The following ZNF496 variants were observed in gnomAD, a reference collection of about 807,000 sequenced individuals.
ZNF496 encodes NSD1 (nuclear receptor binding SET-domain containing 1)-interacting zinc finger protein 1.
Under a neutral mutation model 58.9 loss-of-function variants are expected in ZNF496, and 11 were observed. The ratio of observed to expected loss-of-function variants is 0.19; its 90% CI spans 0.12 to 0.31. ZNF496 has a LOEUF of 0.31. Ranked by LOEUF, ZNF496 falls within the 10% of genes least tolerant of loss-of-function variation. ZNF496 has a pLI of 1.00. For synonymous variants in ZNF496, 338 were observed against 318.2 expected (o/e 1.06, Z -0.66); for missense variants, 660 against 783.0 (o/e 0.84, Z 1.88).
Position 247,300,510 on chromosome 1 carries a change from C to T in ZNF496, c.*9G>A, listed in dbSNP as rs374519369. 7.3e-5 allele frequency: 116 copies of T among 1,593,144 alleles called. 1 individual carries two copies. The South Asian group carries it at 1.2e-3, about 17-fold the overall frequency. ...CCAGCCAGGGTGAGGCCGCCCCAGG[C>T]GGAGAGGCTCAGTAGGAGTTCAGAG... is the stretch of plus-strand genomic sequence containing the variant. On this transcript the variant is annotated 3_prime_UTR_variant, in exon 10 of 10. Transcript: ENST00000682384. This position sits in a 1 kb window ranked among gnomAD's most constrained non-coding sequence, Gnocchi z 5.7.
At chr1:247,320,617 T>G (rs1659933079) in intron 6 of ZNF496, among the ~76,000 whole-genome samples, 1 of 152,204 alleles carries the variant, frequency 6.6e-6, no homozygotes. Flanking sequence ...AATATAGATT[T>G]TTACTCTATA....
rs117684244 is a variant in ZNF496, at chr1:247,302,383, G to A, written c.1007-1107C>T. 2.9e-4 allele frequency among the ~76,000 whole-genome samples: 44 copies of A among 152,224 alleles called. No homozygotes were observed. In the East Asian group the frequency reaches 6.6e-3, roughly 23 times the overall value. ...TTTGTCCCTCAGTCACAAGGGGGTCGGGGGAACATGAGTCTGGGAGTGGGT... is the reference window on the plus strand; with the variant it reads ...TTTGTCCCTCAGTCACAAGGGGGTCAGGGGAACATGAGTCTGGGAGTGGGT... On this transcript the variant is annotated intron_variant, in intron 9 of 9. Coordinates refer to ENST00000682384, the MANE Select transcript of ZNF496 (RefSeq NM_032752.3).
chr1:247,303,054 G>GC (rs1659298433), intron 9 of ZNF496, among the ~76,000 whole-genome samples: 1 of 152,174 alleles, frequency 6.6e-6, no homozygotes, highest in Non-Finnish European at 1.5e-5. Context: ...ACATGATGAA[G>GC]CCCTAACCCA....
intron 5 of ZNF496, 96 bp from the exon 6 acceptor site, chr1:247,323,326 G>T: frequency 1.2e-6 from 1 of 855,392 alleles, no homozygotes. Flanking sequence ...TTTCCATTTT[G>T]GTAGCAAAGA....
At position 247,308,443 on chromosome 1, in the gene ZNF496, G is replaced by A; in HGVS notation, c.1006+32C>T. On this transcript the variant is annotated intron_variant, in intron 9 of 9. Coordinates refer to ENST00000682384, the MANE Select transcript of ZNF496 (RefSeq NM_032752.3). This position sits in a 1 kb window ranked among gnomAD's most constrained non-coding sequence, Gnocchi z 4.5. ...ATGCGACACACCACAGACACACAGG[G>A]ACAAACCCATACCTCCCTGACCCTT... 6.3e-7 allele frequency: 1 copy of A among 1,594,838 alleles called. No individual in the cohort carries two copies. Among genetic ancestry groups the A allele is most frequent in the Non-Finnish European group, 8.6e-7 (1 of 1,162,682 alleles).
At chr1:247,317,304 T>A (rs1358069896) in intron 6 of ZNF496, among the ~76,000 whole-genome samples, 1 of 152,056 alleles carries the variant, frequency 6.6e-6, no homozygotes, top group Admixed American at 6.6e-5. Context: ...GAAATACCCA[T>A]GGGCACAGAC....
rs990366880 is a variant in ZNF496 at position 247,298,959 on chromosome 1, C to T, written c.*1560G>A. The T allele has an allele frequency of 6.6e-6, 1 of 152,208 alleles. No individual in the cohort carries two copies. The highest frequency in any genetic ancestry group is 2.4e-5 in the African/African-American group (1 of 41,424). 9.4% of individuals were successfully genotyped at this position (152,208 alleles called of 1,614,324 possible). A position where few individuals can be genotyped will look rare whatever the true frequency, so the allele number is the denominator to read the frequency against. ...AAGGGGAATTTGTCAGCGTTTACGGCTATTGAGTATGATTCTTCCATGCAG... is the reference window on the plus strand; with the variant it reads ...AAGGGGAATTTGTCAGCGTTTACGGTTATTGAGTATGATTCTTCCATGCAG... On this transcript the variant is annotated 3_prime_UTR_variant, in exon 10 of 10. Coordinates refer to ENST00000682384, the MANE Select transcript of ZNF496 (RefSeq NM_032752.3).
In ZNF496 at chr1:247,328,809, C is replaced by T; in HGVS notation, c.448G>A (p.Glu150Lys). Residue 150 changes from glutamate to lysine, a missense_variant, in exon 5 of 10, where the codon GAG becomes AAG. Glu to Lys is a moderately conservative substitution (Grantham distance 56). Coordinates refer to ENST00000682384, the MANE Select transcript of ZNF496 (RefSeq NM_032752.3). Reference sequence around the variant, plus strand: ...GGCTCTACCGGCAGCTGCTCCTGCTCCTGGTCCAGAGGGCTGTCCCCATCA... The same window carrying T: ...GGCTCTACCGGCAGCTGCTCCTGCTTCTGGTCCAGAGGGCTGTCCCCATCA... ...IDDGDSPLDQ[E>K]QEQLPVEPHS... 1 of 1,613,378 alleles carries T rather than the reference C, an allele frequency of 6.2e-7. No individual in the cohort carries two copies.
intron 9 of ZNF496, among the ~76,000 whole-genome samples, chr1:247,306,514 C>CTT (rs371629419): frequency 2.3e-5 from 3 of 128,558 alleles, no homozygotes; most frequent in Non-Finnish European, 1.6e-5. Flanking sequence ...TTTTCTTTTT[C>CTT]TTTTTTTTTT....
Position 247,329,364 on chromosome 1 carries a change from C to A in ZNF496, c.215G>T (p.Arg72Leu), listed in dbSNP as rs146923642. Residue 72 changes from arginine to leucine, a missense_variant, in exon 4 of 10, where the codon CGG becomes CTG. Transcript: ENST00000682384. This position sits in a 1 kb window ranked among gnomAD's most constrained non-coding sequence, Gnocchi z 5.5. ...CTGCTCCTTGGTGTGCCTCTCAGGC[C>A]GCAGCCAGCCCCCGCACAGGTCCCA... is the stretch of plus-strand genomic sequence containing the variant. The part of the protein sequence containing the change: ...RLWDLCGGWL[R>L]PERHTKEQIL... 3.1e-6 allele frequency: 5 copies of A among 1,613,502 alleles called. No homozygotes were observed. Among genetic ancestry groups the A allele is most frequent in the South Asian group, 2.2e-5 (2 of 91,078 alleles).
At chr1:247,305,968 A>C (rs909581431) in intron 9 of ZNF496, among the ~76,000 whole-genome samples, 3 of 152,226 alleles carry the variant, frequency 2.0e-5, no homozygotes, top group African/African-American at 7.2e-5. Context: ...ACACATAAAC[A>C]AAGTTGAGGG....
intron 6 of ZNF496, among the ~76,000 whole-genome samples, chr1:247,317,140 G>GTAGAA (rs1340232442): frequency 5.3e-5 from 8 of 152,166 alleles, no homozygotes; most frequent in Non-Finnish European, 1.2e-4. Flanking sequence ...TGAAAACCCT[G>GTAGAA]GACATTGCAT....
intron 6 of ZNF496, among the ~76,000 whole-genome samples, chr1:247,317,664 A>G (rs1659831601): frequency 6.6e-6 from 1 of 152,126 alleles, no homozygotes; most frequent in Non-Finnish European, 1.5e-5. Flanking sequence ...ATGCCCGCGG[A>G]GATCCAGGAG....
chr1:247,315,018 T>A (rs898971540), intron 6 of ZNF496, among the ~76,000 whole-genome samples: 1 of 149,016 alleles, frequency 6.7e-6, no homozygotes, highest in Non-Finnish European at 1.5e-5. Flanking sequence ...CCCAAAGTGG[T>A]AGGATTATGG....
chr1:247,310,421 G>A lies in ZNF496; in HGVS notation c.687C>T (p.Cys229=). The change falls in exon 7 of 10, where the codon TGC becomes TGT. Residue 229 remains cysteine (C), a synonymous_variant. Transcript: ENST00000682384. The part of the protein sequence containing the change: ...RVSPFKDMIL[C]FSEEDWSLLD... ...GAAGGGACCAATCCTCTTCAGAGAA[G>A]CATAAAATCATGTCCTTGAATGGAG... 1.2e-6 allele frequency: 2 copies of A among 1,614,192 alleles called. No homozygotes were observed. Among genetic ancestry groups the A allele is most frequent in the Non-Finnish European group, 1.7e-6 (2 of 1,180,034 alleles).
At chr1:247,323,630 A>G (rs1333429902) in intron 5 of ZNF496, among the ~76,000 whole-genome samples, 1 of 152,100 alleles carries the variant, frequency 6.6e-6, no homozygotes, top group African/African-American at 2.4e-5. Flanking sequence ...AACTCTATGG[A>G]GTTCAGCCGT....
intron 6 of ZNF496, 90 bp downstream of exon 6, chr1:247,323,064 C>T (rs1203371893): frequency 3.6e-6 from 4 of 1,110,826 alleles, no homozygotes; most frequent in African/African-American, 1.6e-5. Context: ...GTGTGGCAGT[C>T]AGAAAGCTGG....
At chr1:247,326,208 A>G (rs552520887) in intron 5 of ZNF496, among the ~76,000 whole-genome samples, 1 of 151,874 alleles carries the variant, frequency 6.6e-6, no homozygotes, top group Admixed American at 6.6e-5. Flanking sequence ...AAATGAATAC[A>G]TGGACCCTTT....
intron 5 of ZNF496, among the ~76,000 whole-genome samples, chr1:247,325,027 A>G (rs537418950): frequency 6.6e-6 from 1 of 152,266 alleles, no homozygotes; most frequent in Admixed American, 6.5e-5. Context: ...CCTTTCTCAG[A>G]TTAAGACTTG....
Sources: allele counts gnomAD v4.1 joint callset (sites outside exome capture counted in the v4.1 genomes callset), GRCh38; gene constraint gnomAD v4.1.1; non-coding constraint Gnocchi (gnomAD v3.1); transcripts MANE v1.5; gene names NCBI Gene and HGNC (gene_info 2026-07-23, HGNC 2026-07-21).